CDH12: variants seen among roughly 807,000 people sequenced by gnomAD.
CDH12 encodes the protein cadherin 12, also known as cadherin-12.
In CDH12, 41 loss-of-function variants were observed where a neutral mutation model predicts 74.1. The ratio of observed to expected loss-of-function variants is 0.55; its 90% CI spans 0.43 to 0.72. CDH12 has a LOEUF of 0.72. Among genes scored for constraint, CDH12 ranks in the 30% least tolerant of loss-of-function variants. The pLI, the probability that CDH12 is intolerant of heterozygous loss-of-function variation, is 0.00. For synonymous variants in CDH12, 399 were observed against 355.0 expected (o/e 1.12, Z -1.39); for missense variants, 945 against 977.2 (o/e 0.97, Z 0.44).
At chr5:22,012,390 TAA>T (rs1392764215) in intron 5 of CDH12, among the ~76,000 whole-genome samples, 6 of 152,146 alleles carry the variant, frequency 3.9e-5, no homozygotes, top group African/African-American at 7.2e-5. Flanking sequence ...AGAAAAATGA[TAA>T]GTTAATATAA....
At chr5:22,408,896 T>C (rs1353578947) in intron 2 of CDH12, among the ~76,000 whole-genome samples, 5 of 151,990 alleles carry the variant, frequency 3.3e-5, no homozygotes, top group Non-Finnish European at 2.9e-5. Context: ...GTGAATTTTT[T>C]GCAGTAGATA....
intron 4 of CDH12, among the ~76,000 whole-genome samples, chr5:22,189,039 G>C (rs1398866883): frequency 6.6e-6 from 1 of 152,112 alleles, no homozygotes. Context: ...TTCTTGAAGT[G>C]TAATTTTCTT....
intron 3 of CDH12, among the ~76,000 whole-genome samples, chr5:22,260,630 A>G (rs13163297): frequency 0.4 from 60,262 of 151,804 alleles, 12,210 homozygotes; most frequent in East Asian, 0.49. Flanking sequence ...TGTAATTCTT[A>G]CCAGCACAGA....
intron 4 of CDH12, among the ~76,000 whole-genome samples, chr5:22,152,728 T>C (rs1025131038): frequency 6.6e-6 from 1 of 152,172 alleles, no homozygotes; most frequent in Non-Finnish European, 1.5e-5. Flanking sequence ...ATTCCTCCTA[T>C]ATAATTGAAA....
At chr5:22,121,211 G>A (rs538341242) in intron 4 of CDH12, among the ~76,000 whole-genome samples, 24 of 152,252 alleles carry the variant, frequency 1.6e-4, no homozygotes, top group Non-Finnish European at 3.2e-4. Flanking sequence ...AGGCATTGAT[G>A]GCATTTGTTT....
rs555810013 is a variant in CDH12 at position 22,106,223 on chromosome 5, C to T, written c.-186-27361G>A. ...TGATGAAATAATGTATACAACAACC[C>T]GGTGACATGAGTTTACCTATGTAAC... On this transcript the variant is annotated intron_variant, in intron 4 of 14. Coordinates refer to ENST00000382254, the MANE Select transcript of CDH12 (RefSeq NM_004061.5). Among the ~76,000 whole-genome samples, 26 of 152,130 alleles carry T rather than the reference C, an allele frequency of 1.7e-4. No homozygotes were observed. In the South Asian group the frequency reaches 4.0e-3, roughly 23 times the overall value.
At chr5:22,446,079 T>C (rs1744804944) in intron 2 of CDH12, among the ~76,000 whole-genome samples, 1 of 152,070 alleles carries the variant, frequency 6.6e-6, no homozygotes, top group Non-Finnish European at 1.5e-5. Flanking sequence ...GCAACCCCAT[T>C]CAGGAAACCT....
intron 6 of CDH12, among the ~76,000 whole-genome samples, chr5:21,962,526 TG>T (rs1294260726): frequency 2.0e-5 from 3 of 152,174 alleles, no homozygotes; most frequent in Non-Finnish European, 4.4e-5. Context: ...GTCATTATCA[TG>T]TATGTTCTAT....
intron 6 of CDH12, among the ~76,000 whole-genome samples, chr5:21,948,508 C>A (rs1417229792): frequency 1.3e-5 from 2 of 152,112 alleles, no homozygotes; most frequent in Non-Finnish European, 2.9e-5. Flanking sequence ...AATTCCTGTA[C>A]CCTCATGGTA....
At chr5:22,544,985 C>T (rs1247095641) in intron 1 of CDH12, among the ~76,000 whole-genome samples, 2 of 152,020 alleles carry the variant, frequency 1.3e-5, no homozygotes, top group African/African-American at 4.8e-5. Context: ...AAAAAAAAGA[C>T]TATTCCATCT....
chr5:22,244,146 C>T (rs1477558041), intron 3 of CDH12, among the ~76,000 whole-genome samples: 1 of 151,668 alleles, frequency 6.6e-6, no homozygotes, highest in Non-Finnish European at 1.5e-5. Context: ...TGGGAAGAGA[C>T]AATTAATATG....
At chr5:21,759,744 G>A (rs1461180557) in intron 13 of CDH12, among the ~76,000 whole-genome samples, 1 of 151,844 alleles carries the variant, frequency 6.6e-6, no homozygotes, top group African/African-American at 2.4e-5. Flanking sequence ...AGGTAAACAC[G>A]TGTCATGGGG....
chr5:21,857,343 C>T (rs1366634189), intron 6 of CDH12, among the ~76,000 whole-genome samples: 1 of 151,752 alleles, frequency 6.6e-6, no homozygotes, highest in Non-Finnish European at 1.5e-5. Context: ...GACAATATAA[C>T]CACTCTAAAT....
At position 22,322,073 on chromosome 5, in the gene CDH12, C is replaced by A. The variant is rs556050561; in HGVS notation, c.-333+83184G>T. On this transcript the variant is annotated intron_variant, in intron 3 of 14. Transcript: ENST00000382254. ...TATCATTTTAATGAGTGCGACTTTC[C>A]TGACTGTAACCACACATTCAGTATT... is the stretch of plus-strand genomic sequence containing the variant. Among the ~76,000 whole-genome samples the A allele has an allele frequency of 7.2e-5, 11 of 152,268 alleles. No individual in the cohort carries two copies. In the South Asian group the frequency reaches 1.9e-3, roughly 26 times the overall value.
At chr5:22,718,646 C>T (rs1049046376) in intron 1 of CDH12, among the ~76,000 whole-genome samples, 13 of 152,082 alleles carry the variant, frequency 8.5e-5, no homozygotes, top group African/African-American at 2.7e-4. Flanking sequence ...CAGGGTCACT[C>T]GATATCAGTC....
chr5:21,872,041 G>C (rs1218423393), intron 6 of CDH12, among the ~76,000 whole-genome samples: 2 of 152,130 alleles, frequency 1.3e-5, no homozygotes, highest in Non-Finnish European at 2.9e-5. Context: ...AAACCTTTAA[G>C]ATGGACTAGA....
intron 4 of CDH12, among the ~76,000 whole-genome samples, chr5:22,189,116 T>G (rs1285086596): frequency 3.6e-5 from 5 of 137,948 alleles, no homozygotes; most frequent in African/African-American, 1.3e-4. Context: ...TATAGACATT[T>G]CCTGTAAATT....
intron 1 of CDH12, among the ~76,000 whole-genome samples, chr5:22,778,443 C>T (rs1019267625): frequency 2.0e-5 from 3 of 152,056 alleles, no homozygotes; most frequent in Non-Finnish European, 2.9e-5. Context: ...TACATATCTC[C>T]CACTGTTTGA....
intron 1 of CDH12, among the ~76,000 whole-genome samples, chr5:22,811,775 C>A (rs114955424): frequency 3.3e-5 from 5 of 151,948 alleles, no homozygotes; most frequent in African/African-American, 1.2e-4. Context: ...GAGAGAGAAA[C>A]GGCTAAAACT....
Sources: allele counts gnomAD v4.1 joint callset (sites outside exome capture counted in the v4.1 genomes callset), GRCh38; gene constraint gnomAD v4.1.1; transcripts MANE v1.5; gene names NCBI Gene and HGNC (gene_info 2026-07-23, HGNC 2026-07-21).